The following PRELID2 variants were observed in gnomAD, a reference collection of about 807,000 sequenced individuals.
PRELID2 encodes PRELI domain containing 2, also known as PRELI domain-containing protein 2.
PRELID2 carries 25 observed loss-of-function variants against 28.4 expected under a neutral mutation model. That is an observed-to-expected ratio of 0.88 (90% CI 0.64 to 1.23). The LOEUF (loss-of-function observed/expected upper bound fraction) is 1.23. Among genes scored for constraint, PRELID2 ranks in the 50% most tolerant of loss-of-function variants. PRELID2 has a pLI of 0.00. For synonymous variants in PRELID2, 76 were observed against 71.6 expected (o/e 1.06, Z -0.31); for missense variants, 201 against 214.4 (o/e 0.94, Z 0.39).
At chr5:145,613,108 A>C (rs1378585202) in intron 1 of PRELID2, among the ~76,000 whole-genome samples, 1 of 152,106 alleles carries the variant, frequency 6.6e-6, no homozygotes, top group Non-Finnish European at 1.5e-5. Context: ...GAAAGGTACA[A>C]GTGTCCCCTG....
rs1756080147 is a variant in PRELID2, at chr5:145,724,600, A to ATATAT, written n.70+40330_70+40331insATATA. Among the ~76,000 whole-genome samples, 44 of 24,776 alleles carry ATATAT rather than the reference A, an allele frequency of 1.8e-3. 1 individual carries two copies. The highest frequency in any genetic ancestry group is 3.3e-3 in the Non-Finnish European group (35 of 10,502). The allele number at this position is 24,776 out of a possible 152,430, so 16.3% of individuals were successfully genotyped here. On this transcript the variant is annotated intron_variant and non_coding_transcript_variant, in intron 1 of 2. Coordinates refer to the PRELID2 transcript ENST00000510259. ...ACACTGAAATAACAAGAAGTAAATAAATATATATATATATATATATATATA... is the reference window on the plus strand; with the variant it reads ...ACACTGAAATAACAAGAAGTAAATAATATATATATATATATATATATATATATATA...
chr5:145,768,160 G>T (rs1167381288), intron 5 of PRELID2, among the ~76,000 whole-genome samples: 1 of 140,410 alleles, frequency 7.1e-6, no homozygotes, highest in Non-Finnish European at 1.5e-5. Flanking sequence ...GGGAGGCAAA[G>T]GTTGCAGTGA....
chr5:145,524,118 C>G (rs1752587080), intron 1 of PRELID2, among the ~76,000 whole-genome samples: 1 of 152,132 alleles, frequency 6.6e-6, no homozygotes, highest in African/African-American at 2.4e-5. Context: ...TAGCAGAGCC[C>G]TTTGAAGCAC....
the PRELID2 span, among the ~76,000 whole-genome samples, chr5:145,453,356 T>C: frequency 6.6e-6 from 1 of 152,198 alleles, no homozygotes; most frequent in Admixed American, 6.5e-5. Context: ...TCAGACTTTA[T>C]AAAATGTTTT....
intron 1 of PRELID2, among the ~76,000 whole-genome samples, chr5:145,619,520 C>T (rs1246269988): frequency 2.6e-5 from 4 of 152,270 alleles, no homozygotes; most frequent in Non-Finnish European, 2.9e-5. Context: ...CCCTTTCCCA[C>T]TTCCACAGTT....
chr5:145,725,005 C>A (rs186535986), intron 1 of PRELID2, among the ~76,000 whole-genome samples: 20 of 151,820 alleles, frequency 1.3e-4, no homozygotes, highest in Admixed American at 1.3e-3. Context: ...AGCCTCCCAA[C>A]GTGCTGGGAT....
At chr5:145,738,402 T>A (rs887064339) in intron 1 of PRELID2, among the ~76,000 whole-genome samples, 1 of 152,190 alleles carries the variant, frequency 6.6e-6, no homozygotes, top group African/African-American at 2.4e-5. Flanking sequence ...CAAACATTTT[T>A]AAGCAGCCAT....
downstream of PRELID2, among the ~76,000 whole-genome samples, chr5:145,468,137 A>G (rs954123607): frequency 2.6e-5 from 4 of 152,014 alleles, no homozygotes; most frequent in Non-Finnish European, 5.9e-5. Context: ...TCATTGTTCA[A>G]TTCCCACCTA....
At chr5:145,479,085 G>C (rs954102608) in intron 1 of PRELID2, among the ~76,000 whole-genome samples, 12 of 152,112 alleles carry the variant, frequency 7.9e-5, no homozygotes, top group Non-Finnish European at 1.8e-4. Flanking sequence ...AAGATCCAAG[G>C]CTAAAATCTG....
intron 1 of PRELID2, among the ~76,000 whole-genome samples, chr5:145,478,768 G>A (rs1752130371): frequency 6.6e-6 from 1 of 152,132 alleles, no homozygotes; most frequent in Non-Finnish European, 1.5e-5. Context: ...TGTAGCTCAT[G>A]TTAGGTTTTA....
the PRELID2 span, among the ~76,000 whole-genome samples, chr5:145,295,643 C>T: frequency 2.0e-5 from 3 of 152,150 alleles, no homozygotes; most frequent in Admixed American, 2.0e-4. Context: ...TGGAAGAGTT[C>T]TTTAGAGATC....
chr5:145,374,454 G>A, the PRELID2 span, among the ~76,000 whole-genome samples: 2 of 152,040 alleles, frequency 1.3e-5, no homozygotes, highest in African/African-American at 4.8e-5. Context: ...TGATAATTAT[G>A]TGTGTTGGGT....
At chr5:145,272,555 G>T in the PRELID2 span, among the ~76,000 whole-genome samples, 2 of 152,060 alleles carry the variant, frequency 1.3e-5, no homozygotes, top group Admixed American at 6.6e-5. Flanking sequence ...TAGAGAGATT[G>T]GTGAGATTCA....
chr5:145,356,236 C>T, the PRELID2 span, among the ~76,000 whole-genome samples: 1 of 152,062 alleles, frequency 6.6e-6, no homozygotes, highest in African/African-American at 2.4e-5. Flanking sequence ...AAGTCTTCCA[C>T]AGTATAGAGT....
chr5:145,338,378 C>T, the PRELID2 span: 1 of 152,046 alleles, frequency 6.6e-6, no homozygotes, highest in Non-Finnish European at 1.5e-5. Context: ...TTTTAGTGAC[C>T]TTGTGAAATG....
chr5:145,819,994 C>T lies in PRELID2; in HGVS notation c.158G>A (p.Arg53Lys), dbSNP rs766598326. The T allele has an allele frequency of 3.1e-6, 5 of 1,604,244 alleles. No homozygotes were observed. In the East Asian group the frequency reaches 1.1e-4, roughly 36 times the overall value. The change falls in exon 3 of 7, where the codon AGA becomes AAA. Residue 53 changes from arginine to lysine, a missense_variant. Arg to Lys is a conservative substitution (Grantham distance 26). Transcript: ENST00000683046. The part of the protein sequence containing the change: ...KRDESTGVIY[R>K]KRIAICQNVV... ...GTTCTGACAGATTGCAATCCTCTTTCTGTAGATGACCCCTGTTGATTCATC... is the reference window on the plus strand; with the variant it reads ...GTTCTGACAGATTGCAATCCTCTTTTTGTAGATGACCCCTGTTGATTCATC...
chr5:145,601,030 C>G (rs1753388810), intron 1 of PRELID2, among the ~76,000 whole-genome samples: 1 of 152,006 alleles, frequency 6.6e-6, no homozygotes, highest in Non-Finnish European at 1.5e-5. Flanking sequence ...GTGAAGCATG[C>G]CTGTAGTCCT....
At chr5:145,449,895 G>A in the PRELID2 span, among the ~76,000 whole-genome samples, 10 of 152,024 alleles carry the variant, frequency 6.6e-5, no homozygotes, top group Admixed American at 1.3e-4. Context: ...AGGGCCTGCC[G>A]TGCTCCACTT....
the PRELID2 span, among the ~76,000 whole-genome samples, chr5:145,294,772 T>C: frequency 6.6e-6 from 1 of 152,186 alleles, no homozygotes; most frequent in Non-Finnish European, 1.5e-5. Context: ...AGTGATGTTC[T>C]ATTTCTGCAT....
Sources: allele counts gnomAD v4.1 joint callset (sites outside exome capture counted in the v4.1 genomes callset), GRCh38; gene constraint gnomAD v4.1.1; transcripts MANE v1.5; gene names NCBI Gene and HGNC (gene_info 2026-07-23, HGNC 2026-07-21).